SLC12A7: variants seen among roughly 807,000 people sequenced by gnomAD.
SLC12A7 encodes K-Cl cotransporter 4.
A neutral mutation model predicts 120.6 loss-of-function variants in SLC12A7; 100 were observed. The ratio of observed to expected loss-of-function variants is 0.83; its 90% confidence interval spans 0.71 to 0.98. The LOEUF (loss-of-function observed/expected upper bound fraction) is 0.98. Ranked by LOEUF, SLC12A7 falls within the 50% of genes least tolerant of loss-of-function variation. SLC12A7 has a pLI of 0.00. For missense variants in SLC12A7, 1,373 were observed against 1,548.1 expected, an observed-to-expected ratio of 0.89 and a Z score of 1.90; for synonymous variants, 760 against 678.0, an observed-to-expected ratio of 1.12 and a Z score of -1.88.
the SLC12A7 span, among the ~76,000 whole-genome samples, chr5:1,128,638 G>C: frequency 6.6e-6 from 1 of 152,234 alleles, no homozygotes; most frequent in Non-Finnish European, 1.5e-5. Context: ...AGTGAGACTG[G>C]TACAGACCAG....
the SLC12A7 span, among the ~76,000 whole-genome samples, chr5:1,119,602 G>A: frequency 3.9e-5 from 6 of 152,268 alleles, no homozygotes; most frequent in Non-Finnish European, 7.3e-5. Context: ...CCGTCGGGCA[G>A]CGACCGTTTC....
intron 3 of SLC12A7, among the ~76,000 whole-genome samples, chr5:1,089,615 G>C (rs1740273552): frequency 6.6e-6 from 1 of 152,004 alleles, no homozygotes; most frequent in African/African-American, 2.4e-5. Context: ...GTCGGCCCTG[G>C]GCAGAAACTG....
intron 4 of SLC12A7, among the ~76,000 whole-genome samples, 181 bp from the exon 5 acceptor site, chr5:1,088,541 C>G (rs899222210): frequency 3.3e-5 from 5 of 152,214 alleles, no homozygotes; most frequent in Non-Finnish European, 7.3e-5. Context: ...ACCAGGCATG[C>G]GTGTCCTGGT....
At chr5:1,079,560 C>G (rs1738771424) in intron 9 of SLC12A7, 64 bp from the exon 10 acceptor site, 2 of 1,370,268 alleles carry the variant, frequency 1.5e-6, no homozygotes, top group Non-Finnish European at 2.1e-6. Flanking sequence ...ATGGCAGCCC[C>G]TGCCCAGAAA....
At chr5:1,068,367 G>A (rs1475273756) in intron 17 of SLC12A7, among the ~76,000 whole-genome samples, 2 of 152,236 alleles carry the variant, frequency 1.3e-5, no homozygotes, top group African/African-American at 4.8e-5. Context: ...TCGGGAGGTG[G>A]AGGTTGCAGT....
intron 20 of SLC12A7, among the ~76,000 whole-genome samples, chr5:1,063,159 C>T (rs773300999): frequency 1.1e-4 from 16 of 152,190 alleles, no homozygotes; most frequent in Non-Finnish European, 1.9e-4. Flanking sequence ...CCTCTCCAGG[C>T]GTGAAGGACG....
intron 17 of SLC12A7, among the ~76,000 whole-genome samples, chr5:1,067,792 CTG>C (rs200494150): frequency 0.012 from 1,580 of 126,866 alleles, 17 homozygotes; most frequent in East Asian, 0.057. Context: ...GAACTCAACA[CTG>C]TGTGGGGAGA....
chr5:1,061,076 G>GCGTCTCACCCA (rs1736173981), intron 20 of SLC12A7, among the ~76,000 whole-genome samples: 2 of 95,148 alleles, frequency 2.1e-5, no homozygotes, highest in African/African-American at 9.1e-5. Flanking sequence ...CGCCGCACCT[G>GCGTCTCACCCA]CCGCATCCGC....
At chr5:1,083,991 C>T in intron 7 of SLC12A7, 35 bp from the exon 8 acceptor site, 1 of 1,581,778 alleles carries the variant, frequency 6.3e-7, no homozygotes, top group Non-Finnish European at 8.6e-7. Flanking sequence ...ACGTGTGCTG[C>T]CACCGAAGTG....
chr5:1,102,669 AG>A lies in SLC12A7; in HGVS notation c.125-8422del, dbSNP rs543131540. On this transcript the variant is annotated intron_variant, in intron 1 of 23. Transcript: ENST00000264930. The stretch of plus-strand genomic sequence containing the variant: ...CACAGAGAGGCGCCGGGCCTGGGGC[AG>A]GGGACAAGCAAGTCCAGGCTTCCCG... Among the ~76,000 whole-genome samples, 732 of 152,272 alleles carry A rather than the reference AG, an allele frequency of 4.8e-3. 5 individuals are homozygous for A. The highest frequency in any genetic ancestry group is 0.016 in the African/African-American group (658 of 41,556).
chr5:1,093,527 C>T lies in SLC12A7; in HGVS notation c.342+6G>A, dbSNP rs376460838. The T allele has an allele frequency of 4.6e-5, 67 of 1,442,744 alleles. No homozygotes were observed. The African/African-American group carries it at 8.0e-4, about 17-fold the overall frequency. The allele number at this position is 1,442,744 out of a possible 1,614,324, so 89.4% of individuals were successfully genotyped here. The stretch of plus-strand genomic sequence containing the variant: ...GACTGGGCGGGCACGGGCAGGGTGG[C>T]AGTACCTTGGCCTCCCGCCGCCGGC... On this transcript the variant is annotated splice_donor_region_variant and intron_variant, in intron 3 of 23. Coordinates refer to ENST00000264930, the MANE Select transcript of SLC12A7 (RefSeq NM_006598.3).
chr5:1,068,717 C>A (rs1056061946), intron 17 of SLC12A7, among the ~76,000 whole-genome samples: 1 of 152,270 alleles, frequency 6.6e-6, no homozygotes, highest in Non-Finnish European at 1.5e-5. Flanking sequence ...ACCCCCCAGC[C>A]GAAGGGCTGT....
chr5:1,055,994 C>T (rs1387217135), intron 22 of SLC12A7, among the ~76,000 whole-genome samples: 5 of 152,266 alleles, frequency 3.3e-5, no homozygotes, highest in Admixed American at 6.5e-5. Context: ...ATGGCCCAGG[C>T]GGTTACTGGC....
At chr5:1,057,392 A>C (rs1735730036) in intron 22 of SLC12A7, 79 bp downstream of exon 22, 1 of 1,428,092 alleles carries the variant, frequency 7.0e-7, no homozygotes, top group Non-Finnish European at 9.4e-7. Context: ...TTCAGTGGTC[A>C]GGGAAGGGAC....
chr5:1,109,439 A>G (rs1444876741), intron 1 of SLC12A7, among the ~76,000 whole-genome samples: 1 of 152,142 alleles, frequency 6.6e-6, no homozygotes, highest in East Asian at 1.9e-4. Context: ...CGTCCTTCTC[A>G]TTTCAAGACG....
At chr5:1,056,906 T>G (rs1183056558) in intron 22 of SLC12A7, among the ~76,000 whole-genome samples, 2 of 152,162 alleles carry the variant, frequency 1.3e-5, no homozygotes, top group African/African-American at 4.8e-5. Context: ...GGGCAGGCCC[T>G]AAGGCCCGAC....
At position 1,062,688 on chromosome 5, in the gene SLC12A7, GCTGGGGGACTGAGGGACTGGGGGA is replaced by G. The variant is rs1483375925; in HGVS notation, c.2739+1132_2739+1155del. 2.0e-3 allele frequency among the ~76,000 whole-genome samples: 23 copies of G among 11,316 alleles called. No homozygotes were observed. The South Asian group carries it at 0.05, about 25-fold the overall frequency. The allele number at this position is 11,316 out of a possible 152,430, so 7.4% of individuals were successfully genotyped here. ...ATACCCAGGGCTGGGGGGCTGGGGG[GCTGGGGGACTGAGGGACTGGGGGA>G]CTGGGGGGCTGCGGGGCTGGAGAGA... On this transcript the variant is annotated intron_variant, in intron 20 of 23. Transcript: ENST00000264930.
intron 8 of SLC12A7, among the ~76,000 whole-genome samples, chr5:1,082,462 C>T (rs1402360544): frequency 1.5e-5 from 2 of 134,410 alleles, no homozygotes; most frequent in African/African-American, 5.7e-5. Flanking sequence ...TGGGCTTCCT[C>T]TCTAGGGTTC....
chr5:1,154,899 CACGAGAGAGTG>C, the SLC12A7 span, among the ~76,000 whole-genome samples: 1 of 152,206 alleles, frequency 6.6e-6, no homozygotes, highest in Admixed American at 6.5e-5. Flanking sequence ...ACCCAGGTCC[CACGAGAGAGTG>C]ACAGCTCAGG....
Sources: gnomAD v4.1 joint callset for allele counts (sites outside exome capture counted in the v4.1 genomes callset) on GRCh38, gnomAD v4.1.1 for gene constraint, MANE v1.5 for transcripts, NCBI Gene and HGNC (gene_info 2026-07-23, HGNC 2026-07-21) for gene names.